Variants in SEC31A observed in about 807,000 individuals in gnomAD.
SEC31A encodes the protein protein transport protein Sec31A.
A neutral mutation model predicts 151.0 loss-of-function variants in SEC31A; 70 were observed. The ratio of observed to expected loss-of-function variants is 0.46; its 90% CI spans 0.38 to 0.57. The LOEUF (loss-of-function observed/expected upper bound fraction) is 0.57. SEC31A is among the 20% of genes least tolerant of loss of function. The probability of loss-of-function intolerance (pLI) is 0.00; values close to 1 mark genes in which losing one functional copy is unlikely to be tolerated. For missense variants in SEC31A, 1,330 were observed against 1,471.2 expected (o/e 0.90, Z 1.57); for synonymous variants, 475 against 505.9 (o/e 0.94, Z 0.82).
chr4:82,891,216 G>A (rs894438572), upstream of SEC31A: 4 of 1,518,174 alleles, frequency 2.6e-6, no homozygotes, highest in Non-Finnish European at 3.5e-6. Flanking sequence ...GGCAGCCGCA[G>A]CCGCAGCCAC....
chr4:82,851,311 G>C (rs888907589), intron 19 of SEC31A, 120 bp downstream of exon 19: 19 of 736,758 alleles, frequency 2.6e-5, no homozygotes, highest in African/African-American at 1.8e-4. Flanking sequence ...CTGCAGTCAG[G>C]TTACAGAAAT....
At chr4:82,835,800 AAAGT>A (rs1028807119) in intron 22 of SEC31A, among the ~76,000 whole-genome samples, 9 of 152,072 alleles carry the variant, frequency 5.9e-5, no homozygotes, top group Admixed American at 2.0e-4. Context: ...AAAAAAGGAA[AAAGT>A]AAGATGTAAA....
At chr4:82,865,592 A>G (rs1408667169) in intron 10 of SEC31A, among the ~76,000 whole-genome samples, 1 of 139,372 alleles carries the variant, frequency 7.2e-6, no homozygotes, top group African/African-American at 2.6e-5. Flanking sequence ...ATACAATGCA[A>G]TATTATTTGG....
chr4:82,843,067 C>T lies in SEC31A; in HGVS notation c.2627-586G>A, dbSNP rs1729274486. Among the ~76,000 whole-genome samples the T allele has an allele frequency of 2.0e-5, 3 of 151,866 alleles. No individual in the cohort carries two copies. In the South Asian group the frequency reaches 6.2e-4, roughly 32 times the overall value. ...AGTATGAAGATGGTTAGTAAACAAT[C>T]AGGCAAGGCAGCCAACTCATGTTTT... is the stretch of plus-strand genomic sequence containing the variant. On this transcript the variant is annotated intron_variant, in intron 21 of 26. Coordinates refer to ENST00000395310, the MANE Select transcript of SEC31A (RefSeq NM_001077207.4).
intron 4 of SEC31A, among the ~76,000 whole-genome samples, chr4:82,877,217 G>A (rs952502197): frequency 4.6e-5 from 7 of 152,036 alleles, no homozygotes; most frequent in Non-Finnish European, 1.0e-4. Context: ...GGAGCAAGAC[G>A]CTGTTTCAAA....
chr4:82,871,888 C>T (rs773653822), intron 7 of SEC31A, 56 bp downstream of exon 7: 2 of 1,610,400 alleles, frequency 1.2e-6, no homozygotes, highest in South Asian at 1.1e-5. Flanking sequence ...ACGAAAACAT[C>T]ACCGACATGT....
upstream of SEC31A, chr4:82,891,265 C>T: frequency 2.3e-6 from 3 of 1,285,522 alleles, no homozygotes; most frequent in Non-Finnish European, 3.2e-6. Flanking sequence ...CATCTTTCCC[C>T]GCCCACCCGA....
chr4:82,890,991 G>T (rs1719619432), intron 1 of SEC31A, 97 bp downstream of exon 1: 6 of 1,512,830 alleles, frequency 4.0e-6, no homozygotes, highest in Non-Finnish European at 5.3e-6. Context: ...CTGGTGCGGG[G>T]CAGCGGAGAC....
chr4:82,867,669 T>C (rs1479158128), intron 8 of SEC31A, among the ~76,000 whole-genome samples: 2 of 152,148 alleles, frequency 1.3e-5, no homozygotes, highest in Non-Finnish European at 2.9e-5. Context: ...TCTCGCTCTG[T>C]CGCCCAGGCT....
At position 82,870,052 on chromosome 4, in the gene SEC31A, T is replaced by C. The variant is rs534432194; in HGVS notation, c.882+273A>G. ...ACCACATGTGAAATAAATCAAAGTATTTCTGAGTCTAGGTAATAAACACAT... is the reference window on the plus strand; with the variant it reads ...ACCACATGTGAAATAAATCAAAGTACTTCTGAGTCTAGGTAATAAACACAT... On this transcript the variant is annotated intron_variant, in intron 8 of 26. Transcript: ENST00000395310. Among the ~76,000 whole-genome samples the C allele has an allele frequency of 2.0e-5, 3 of 152,308 alleles. No homozygotes were observed. The South Asian group carries it at 6.2e-4, about 32-fold the overall frequency.
chr4:82,898,294 C>G (rs1160478445), intron 3 of SEC31A, among the ~76,000 whole-genome samples: 1 of 151,762 alleles, frequency 6.6e-6, no homozygotes, highest in Non-Finnish European at 1.5e-5. Flanking sequence ...GTAAAATAAT[C>G]ACAACAACAA....
intron 19 of SEC31A, among the ~76,000 whole-genome samples, 194 bp downstream of exon 19, chr4:82,851,237 T>A (rs1731382421): frequency 6.6e-6 from 1 of 152,244 alleles, no homozygotes; most frequent in Non-Finnish European, 1.5e-5. Context: ...AAGATTATCC[T>A]ATCTCTCTAA....
At chr4:82,823,887 A>G (rs893943814) in intron 25 of SEC31A, among the ~76,000 whole-genome samples, 3 of 152,214 alleles carry the variant, frequency 2.0e-5, no homozygotes, top group African/African-American at 7.2e-5. Context: ...GATGAGAGGC[A>G]GTATAGCTTG....
intron 1 of SEC31A, among the ~76,000 whole-genome samples, chr4:82,888,037 C>T (rs1247034844): frequency 1.5e-5 from 2 of 133,380 alleles, no homozygotes; most frequent in East Asian, 2.2e-4. Flanking sequence ...CAGAGCAAGA[C>T]TCTGTCTCAA....
Position 82,819,239 on chromosome 4 carries a change from G to A in SEC31A, c.3498C>T (p.Ile1166=), listed in dbSNP as rs1214577150. ...KLREQTLSPT[I]TSGLHNIARS... is the part of the protein sequence containing the mutation. ...TTGCAATGTTGTGTAAACCACTGGTGATTGTTGGTGAAAGCTGAAACAAAA... is the reference window on the plus strand; with the variant it reads ...TTGCAATGTTGTGTAAACCACTGGTAATTGTTGGTGAAAGCTGAAACAAAA... The change falls in exon 27 of 27, where the codon ATC becomes ATT. Residue 1166 remains isoleucine (I), a synonymous_variant. Transcript: ENST00000395310. 6.3e-7 allele frequency: 1 copy of A among 1,575,638 alleles called. No individual in the cohort carries two copies.
Position 82,827,666 on chromosome 4 carries a change from T to C in SEC31A, c.3028-34A>G. 2.5e-6 allele frequency: 4 copies of C among 1,599,932 alleles called. No homozygotes were observed. The South Asian group carries it at 3.3e-5, about 13-fold the overall frequency. On this transcript the variant is annotated intron_variant, in intron 23 of 26. Transcript: ENST00000395310. Reference sequence around the variant, plus strand: ...AGATGGAAATAAAAGACACCAGGAGTAAGAATAAAAACGATAGCAACATTT... The same window carrying C: ...AGATGGAAATAAAAGACACCAGGAGCAAGAATAAAAACGATAGCAACATTT...
At chr4:82,899,466 A>G (rs1295258425) in intron 3 of SEC31A, 1 of 152,222 alleles carries the variant, frequency 6.6e-6, no homozygotes, top group Non-Finnish European at 1.5e-5. Context: ...TAATTGGTTG[A>G]GCAGGAAAAG....
At chr4:82,830,710 G>A (rs1186310437) in intron 22 of SEC31A, among the ~76,000 whole-genome samples, 1 of 152,098 alleles carries the variant, frequency 6.6e-6, no homozygotes, top group African/African-American at 2.4e-5. Flanking sequence ...TTTTCTTTAT[G>A]TCTATATAAA....
intron 4 of SEC31A, 34 bp downstream of exon 4, chr4:82,878,695 AT>A: frequency 6.5e-7 from 1 of 1,548,774 alleles, no homozygotes; most frequent in Non-Finnish European, 8.9e-7. Context: ...TGAGCAGCAC[AT>A]AGTCTAAGAA....
Sources: gnomAD v4.1 joint callset for allele counts (sites outside exome capture counted in the v4.1 genomes callset) on GRCh38, gnomAD v4.1.1 for gene constraint, MANE v1.5 for transcripts, NCBI Gene and HGNC (gene_info 2026-07-23, HGNC 2026-07-21) for gene names.